The following KCNK12 variants were observed in gnomAD, a reference collection of about 807,000 sequenced individuals.
The protein encoded by KCNK12 is potassium channel subfamily K member 12.
In KCNK12, 6 loss-of-function variants were observed where a neutral mutation model predicts 25.3. That is an observed-to-expected ratio of 0.24 (90% CI 0.13 to 0.47). KCNK12 has a LOEUF of 0.47. Among genes scored for constraint, KCNK12 ranks in the 20% least tolerant of loss-of-function variants. KCNK12 has a pLI of 0.99. For missense variants in KCNK12, 444 were observed against 661.7 expected (o/e 0.67, Z 3.61); for synonymous variants, 331 against 311.1 (o/e 1.06, Z -0.67).
At position 47,514,357 on chromosome 2, in the gene KCNK12, G is replaced by A. The variant is rs534389885; in HGVS notation, c.*6550C>T. Among the ~76,000 whole-genome samples the A allele has an allele frequency of 6.6e-6, 1 of 152,334 alleles. No individual in the cohort carries two copies. Among genetic ancestry groups the A allele is most frequent in the East Asian group, 1.9e-4 (1 of 5,166 alleles). On this transcript the variant is annotated 3_prime_UTR_variant, in exon 2 of 2. Transcript: ENST00000327876. The surrounding 1 kb of genome is among the most constrained non-coding windows in gnomAD (Gnocchi z 5.0). The stretch of plus-strand genomic sequence containing the variant: ...AGCGCCCTGCCCCCGTCAGCCTCCA[G>A]GAGCCTGGAGTCCAGGGACATCAAG...
chr2:47,549,585 T>C (rs1171495129), intron 1 of KCNK12, among the ~76,000 whole-genome samples: 5 of 152,082 alleles, frequency 3.3e-5, no homozygotes, highest in African/African-American at 9.7e-5. Flanking sequence ...AGGAGAAACA[T>C]AATGATGAGA....
At chr2:47,568,903 C>T (rs1188797358) in intron 1 of KCNK12, among the ~76,000 whole-genome samples, 2 of 152,186 alleles carry the variant, frequency 1.3e-5, no homozygotes, top group African/African-American at 4.8e-5. Flanking sequence ...CTGCTGCACT[C>T]TATACAGGTG....
chr2:47,564,248 G>A (rs1669745620), intron 1 of KCNK12: 1 of 230,542 alleles, frequency 4.3e-6, no homozygotes, highest in South Asian at 1.8e-4. Flanking sequence ...CATAGGCTCA[G>A]ATACAAAGAG....
chr2:47,531,471 TAA>T (rs575607120), intron 1 of KCNK12, among the ~76,000 whole-genome samples: 5 of 140,554 alleles, frequency 3.6e-5, no homozygotes, highest in Admixed American at 7.1e-5. Flanking sequence ...AGACCCTGTT[TAA>T]AAAAAAAAAA....
intron 1 of KCNK12, among the ~76,000 whole-genome samples, chr2:47,550,944 A>G (rs1464579456): frequency 6.6e-6 from 1 of 152,076 alleles, no homozygotes; most frequent in Non-Finnish European, 1.5e-5. Flanking sequence ...TTGAACAGCA[A>G]TGAGTGGTCT....
chr2:47,517,539 G>C lies in KCNK12; in HGVS notation c.*3368C>G, dbSNP rs1668554276. The C allele has an allele frequency of 1.3e-5, 2 of 152,142 alleles. No individual in the cohort carries two copies. The highest frequency in any genetic ancestry group is 1.3e-4 in the Admixed American group (2 of 15,262). 9.4% of individuals were successfully genotyped at this position (152,142 alleles called of 1,614,324 possible). A position where few individuals can be genotyped will look rare whatever the true frequency, so the allele number is the denominator to read the frequency against. ...GTGGCCCAGACTGAGACTTTTCCTT[G>C]GGGAAAAGGGTTAGTAGCTCTTTGT... On this transcript the variant is annotated 3_prime_UTR_variant, in exon 2 of 2. Coordinates refer to ENST00000327876, the MANE Select transcript of KCNK12 (RefSeq NM_022055.2). The surrounding 1 kb of genome is among the most constrained non-coding windows in gnomAD (Gnocchi z 4.1).
rs965494660 is a variant in KCNK12 at position 47,513,196 on chromosome 2, T to C, written c.*7711A>G. On this transcript the variant is annotated 3_prime_UTR_variant, in exon 2 of 2. Transcript: ENST00000327876. ...TGGCTTGAATCTGTATCCTAACTTG[T>C]ATCCCTAATGTGTGACCCATGAAAA... 1.3e-5 allele frequency: 2 copies of C among 152,354 alleles called. No individual in the cohort carries two copies. The highest frequency in any genetic ancestry group is 2.4e-5 in the African/African-American group (1 of 41,582). 9.4% of individuals were successfully genotyped at this position (152,354 alleles called of 1,614,324 possible).
chr2:47,536,735 G>A (rs1669077169), intron 1 of KCNK12, among the ~76,000 whole-genome samples: 1 of 152,202 alleles, frequency 6.6e-6, no homozygotes, highest in Non-Finnish European at 1.5e-5. Context: ...TTGGGCTTGA[G>A]TTCTTGAGTT....
At chr2:47,522,842 G>A (rs2104729783) in intron 1 of KCNK12, among the ~76,000 whole-genome samples, 2 of 152,238 alleles carry the variant, frequency 1.3e-5, no homozygotes, top group Middle Eastern at 6.8e-3. Flanking sequence ...TACTAGAATA[G>A]CAGACTTTTC....
rs1668750058 is a variant in KCNK12, at chr2:47,525,489, T to C, written c.392-3681A>G. 6.6e-6 allele frequency among the ~76,000 whole-genome samples: 1 copy of C among 152,186 alleles called. No homozygotes were observed. Among genetic ancestry groups the C allele is most frequent in the African/African-American group, 2.4e-5 (1 of 41,454 alleles). On this transcript the variant is annotated intron_variant, in intron 1 of 1. Coordinates refer to ENST00000327876, the MANE Select transcript of KCNK12 (RefSeq NM_022055.2). The surrounding 1 kb of genome is among the most constrained non-coding windows in gnomAD (Gnocchi z 4.1). ...TGTCCCCTGGAGTCCAGAGCTGTGC[T>C]GGAGAGTTCTCTGGGTGGGAGGCTG... is the stretch of plus-strand genomic sequence containing the variant.
chr2:47,534,593 A>G (rs1032479361), intron 1 of KCNK12, among the ~76,000 whole-genome samples: 43 of 142,936 alleles, frequency 3.0e-4, no homozygotes, highest in Non-Finnish European at 5.1e-4. Context: ...ACTAAATCCA[A>G]GACCAAGGGA....
intron 1 of KCNK12, among the ~76,000 whole-genome samples, chr2:47,531,936 G>A (rs906076260): frequency 6.6e-6 from 1 of 152,048 alleles, no homozygotes; most frequent in East Asian, 1.9e-4. Flanking sequence ...ACCTAGGGGT[G>A]CTAGCAAATT....
chr2:47,549,776 A>G (rs144131692), intron 1 of KCNK12, among the ~76,000 whole-genome samples: 1 of 152,302 alleles, frequency 6.6e-6, no homozygotes, highest in African/African-American at 2.4e-5. Flanking sequence ...TCTACTAAAA[A>G]TACAAAAATT....
rs759020395 is a variant in KCNK12, at chr2:47,520,429, C to G, written c.*478G>C. 6.5e-6 allele frequency: 1 copy of G among 153,124 alleles called. No homozygotes were observed. 9.5% of individuals were successfully genotyped at this position (153,124 alleles called of 1,614,324 possible). A position where few individuals can be genotyped will look rare whatever the true frequency, so the allele number is the denominator to read the frequency against. ...GGGAGGCAACATATGGCTGTCCCAA[C>G]CCCCACCTGTCAAAACTGTGACTAT... is the stretch of plus-strand genomic sequence containing the variant. On this transcript the variant is annotated 3_prime_UTR_variant, in exon 2 of 2. Transcript: ENST00000327876. The surrounding 1 kb of genome is among the most constrained non-coding windows in gnomAD (Gnocchi z 5.0).
At chr2:47,545,877 A>T (rs1669302066) in intron 1 of KCNK12, among the ~76,000 whole-genome samples, 1 of 152,204 alleles carries the variant, frequency 6.6e-6, no homozygotes, top group Admixed American at 6.5e-5. Flanking sequence ...AGAGGAGGTC[A>T]TGGAATATAA....
At position 47,533,562 on chromosome 2, in the gene KCNK12, C is replaced by CT. The variant is rs1191735566; in HGVS notation, c.392-11755dup. On this transcript the variant is annotated intron_variant, in intron 1 of 1. Transcript: ENST00000327876. This position sits in a 1 kb window ranked among gnomAD's most constrained non-coding sequence, Gnocchi z 4.7. The stretch of plus-strand genomic sequence containing the variant: ...CCCCCGTAGGCACAGTCAAGCCTGG[C>CT]TCTACCATTGGCTCGCCGTTCTCCT... 6.6e-6 allele frequency among the ~76,000 whole-genome samples: 1 copy of CT among 152,232 alleles called. No homozygotes were observed. The highest frequency in any genetic ancestry group is 1.5e-5 in the Non-Finnish European group (1 of 68,034).
intron 1 of KCNK12, among the ~76,000 whole-genome samples, chr2:47,542,653 T>G (rs1329648855): frequency 6.6e-6 from 1 of 152,120 alleles, no homozygotes; most frequent in Non-Finnish European, 1.5e-5. Flanking sequence ...TAGATTTTTG[T>G]TTTATCACAG....
Position 47,533,229 on chromosome 2 carries a change from T to TACCTGG in KCNK12, c.392-11422_392-11421insCCAGGT. On this transcript the variant is annotated intron_variant, in intron 1 of 1. Transcript: ENST00000327876. This position sits in a 1 kb window ranked among gnomAD's most constrained non-coding sequence, Gnocchi z 4.7. ...TTTTACCATGTTGGCCAGGCTGGTC[T>TACCTGG]CCAACTCCTGACCTCAGGTGATCTG... Among the ~76,000 whole-genome samples, 1 of 151,760 alleles carries TACCTGG rather than the reference T, an allele frequency of 6.6e-6. No homozygotes were observed. Among genetic ancestry groups the TACCTGG allele is most frequent in the South Asian group, 2.1e-4 (1 of 4,816 alleles).
At chr2:47,523,279 G>C (rs1668700532) in intron 1 of KCNK12, among the ~76,000 whole-genome samples, 1 of 152,196 alleles carries the variant, frequency 6.6e-6, no homozygotes, top group Non-Finnish European at 1.5e-5. Context: ...CAAAAGGATT[G>C]CTTGAGAGTA....
Sources: gnomAD v4.1 joint callset for allele counts (sites outside exome capture counted in the v4.1 genomes callset) on GRCh38, gnomAD v4.1.1 for gene constraint, Gnocchi (gnomAD v3.1) non-coding constraint, MANE v1.5 for transcripts, NCBI Gene and HGNC (gene_info 2026-07-23, HGNC 2026-07-21) for gene names.